PTPRD: variants seen among roughly 807,000 people sequenced by gnomAD.
PTPRD encodes the protein receptor-type tyrosine-protein phosphatase delta.
In PTPRD, 34 loss-of-function variants were observed where a neutral mutation model predicts 214.5. That is an observed-to-expected ratio of 0.16 (90% CI 0.12 to 0.21). PTPRD has a LOEUF of 0.21. PTPRD is among the 10% of genes least tolerant of loss of function. The probability of loss-of-function intolerance (pLI) is 1.00; values close to 1 mark genes in which losing one functional copy is unlikely to be tolerated. For synonymous variants in PTPRD, 1,128 were observed against 845.7 expected (o/e 1.33, Z -5.79); for missense variants, 2,545 against 2,398.7 (o/e 1.06, Z -1.27).
chr9:8,355,241 T>C (rs2076680498), intron 39 of PTPRD, among the ~76,000 whole-genome samples: 1 of 152,152 alleles, frequency 6.6e-6, no homozygotes, highest in Non-Finnish European at 1.5e-5. Flanking sequence ...GGCTCCCCTT[T>C]TGCCTTCCAC....
rs148868473 is a variant in PTPRD, at chr9:9,509,082, G to A, written c.-237+65650C>T. On this transcript the variant is annotated intron_variant, in intron 8 of 45. Coordinates refer to ENST00000381196, the MANE Select transcript of PTPRD (RefSeq NM_002839.4). ...TATTAAAATACTACATAAATGAAAT[G>A]TAAGAGGAATGCCATGATTAAGTTT... is the stretch of plus-strand genomic sequence containing the variant. Among the ~76,000 whole-genome samples the A allele has an allele frequency of 2.0e-3, 305 of 151,744 alleles. 1 individual carries two copies. The highest frequency in any genetic ancestry group is 0.014 in the East Asian group (71 of 5,140).
At chr9:8,764,269 G>C (rs1324027968) in intron 11 of PTPRD, among the ~76,000 whole-genome samples, 1 of 152,084 alleles carries the variant, frequency 6.6e-6, no homozygotes, top group Non-Finnish European at 1.5e-5. Flanking sequence ...TCATTACAAA[G>C]GGTGGTATGA....
rs1457432480 is a variant in PTPRD at position 8,373,684 on chromosome 9, A to G, written c.4661+2252T>C. Among the ~76,000 whole-genome samples, 5 of 147,544 alleles carry G rather than the reference A, an allele frequency of 3.4e-5. No individual in the cohort carries two copies. In the Admixed American group the frequency reaches 3.4e-4, roughly 10 times the overall value. On this transcript the variant is annotated intron_variant, in intron 39 of 45. Coordinates refer to ENST00000381196, the MANE Select transcript of PTPRD (RefSeq NM_002839.4). ...TTTCTCAAAATAAGGCATTACAGCT[A>G]TTTAATCTTATCTCTCATATTTGCT...
chr9:9,873,538 G>C (rs1330199995), intron 5 of PTPRD, among the ~76,000 whole-genome samples: 1 of 151,946 alleles, frequency 6.6e-6, no homozygotes, highest in African/African-American at 2.4e-5. Flanking sequence ...TTACCACAGA[G>C]TCCAAGGAGG....
At chr9:9,998,129 A>ATAT (rs1555449230) in intron 4 of PTPRD, among the ~76,000 whole-genome samples, 18,310 of 91,492 alleles carry the variant, frequency 0.2, 2,123 homozygotes, top group Middle Eastern at 0.26. Flanking sequence ...AAAAAAAAAA[A>ATAT]ATATATATAT....
chr9:8,787,211 G>C (rs986749390), intron 11 of PTPRD, among the ~76,000 whole-genome samples: 8 of 152,098 alleles, frequency 5.3e-5, no homozygotes, highest in South Asian at 2.1e-4. Flanking sequence ...GTTACCTTGG[G>C]AAGCTAGACA....
intron 9 of PTPRD, among the ~76,000 whole-genome samples, chr9:9,296,237 T>G (rs1413997035): frequency 6.6e-6 from 1 of 151,792 alleles, no homozygotes; most frequent in Non-Finnish European, 1.5e-5. Context: ...AGGTTTATAT[T>G]CTGAGTTTAC....
intron 5 of PTPRD, among the ~76,000 whole-genome samples, chr9:9,931,145 CT>C (rs962357392): frequency 1.1e-4 from 17 of 151,990 alleles, no homozygotes; most frequent in Admixed American, 8.5e-4. Context: ...TTAGAAGTTA[CT>C]TTTTTCCTAT....
In PTPRD at chr9:8,454,554, A is replaced by T. The variant is rs755465638; in HGVS notation, c.3876-4717T>A. On this transcript the variant is annotated intron_variant, in intron 33 of 45. Coordinates refer to ENST00000381196, the MANE Select transcript of PTPRD (RefSeq NM_002839.4). ...GTTTATTTTTTTCTTACTGAACATTAAAGGGGTTTGTTCTCTATTCCTCAC... is the reference window on the plus strand; with the variant it reads ...GTTTATTTTTTTCTTACTGAACATTTAAGGGGTTTGTTCTCTATTCCTCAC... The T allele has an allele frequency of 1.9e-6, 3 of 1,612,392 alleles. No individual in the cohort carries two copies. The South Asian group carries it at 3.3e-5, about 18-fold the overall frequency.
chr9:9,464,370 C>A (rs545154752), intron 8 of PTPRD, among the ~76,000 whole-genome samples: 1 of 152,112 alleles, frequency 6.6e-6, no homozygotes, highest in African/African-American at 2.4e-5. Flanking sequence ...TTGATTAATT[C>A]TCTTACTACT....
At chr9:10,271,297 T>A (rs1317538895) in intron 3 of PTPRD, among the ~76,000 whole-genome samples, 1 of 152,178 alleles carries the variant, frequency 6.6e-6, no homozygotes, top group African/African-American at 2.4e-5. Flanking sequence ...ACATTTGCAT[T>A]TTTAGGTGTT....
At chr9:9,966,212 G>A (rs1020825699) in intron 4 of PTPRD, among the ~76,000 whole-genome samples, 14 of 151,986 alleles carry the variant, frequency 9.2e-5, no homozygotes, top group East Asian at 1.9e-4. Flanking sequence ...GCTATTTTTC[G>A]CAACACAAGG....
At chr9:8,345,297 G>A (rs749234975) in intron 39 of PTPRD, among the ~76,000 whole-genome samples, 1 of 152,008 alleles carries the variant, frequency 6.6e-6, no homozygotes, top group African/African-American at 2.4e-5. Flanking sequence ...CTACAGTCAT[G>A]CACGCCATAC....
chr9:9,631,201 A>G (rs1243273598), intron 7 of PTPRD, among the ~76,000 whole-genome samples: 3 of 90,222 alleles, frequency 3.3e-5, no homozygotes, highest in Non-Finnish European at 6.6e-5. Flanking sequence ...TCATAAATAA[A>G]TAAATAAATA....
intron 33 of PTPRD, among the ~76,000 whole-genome samples, chr9:8,459,277 T>A (rs2096308033): frequency 6.6e-6 from 1 of 152,072 alleles, no homozygotes; most frequent in Admixed American, 6.6e-5. Flanking sequence ...CTTTTTAGAT[T>A]CTGAAGGCCA....
chr9:9,306,954 T>C (rs1230242613), intron 9 of PTPRD, among the ~76,000 whole-genome samples: 2 of 152,200 alleles, frequency 1.3e-5, no homozygotes, highest in African/African-American at 4.8e-5. Context: ...AGACAAATCT[T>C]ATTTGACAAA....
intron 10 of PTPRD, among the ~76,000 whole-genome samples, chr9:9,140,287 C>T (rs1453022577): frequency 6.6e-6 from 1 of 152,112 alleles, no homozygotes; most frequent in Non-Finnish European, 1.5e-5. Context: ...TGATAGATTA[C>T]ATACACCCCA....
intron 14 of PTPRD, among the ~76,000 whole-genome samples, chr9:8,604,527 C>T (rs868051376): frequency 1.1e-4 from 16 of 152,188 alleles, no homozygotes; most frequent in African/African-American, 3.4e-4. Context: ...GGGACCCTGG[C>T]CATACTGCCT....
intron 6 of PTPRD, among the ~76,000 whole-genome samples, chr9:9,739,427 G>A (rs375377851): frequency 2.6e-5 from 4 of 151,676 alleles, no homozygotes; most frequent in Admixed American, 6.6e-5. Flanking sequence ...TTTTTCTTGC[G>A]CTTCTCATCT....
Sources: allele counts gnomAD v4.1 joint callset (sites outside exome capture counted in the v4.1 genomes callset), GRCh38; gene constraint gnomAD v4.1.1; transcripts MANE v1.5; gene names NCBI Gene and HGNC (gene_info 2026-07-23, HGNC 2026-07-21).